The following SMARCA2 variants were observed in gnomAD, a reference collection of about 807,000 sequenced individuals.
The protein encoded by SMARCA2 is SWI/SNF-related matrix-associated actin-dependent regulator of chromatin subfamily A member 2.
Under a neutral mutation model 199.8 loss-of-function variants are expected in SMARCA2, and 61 were observed. That is an observed-to-expected ratio of 0.31 (90% CI 0.25 to 0.38). The LOEUF is 0.38. Ranked by LOEUF, SMARCA2 falls within the 10% of genes least tolerant of loss-of-function variation. The pLI is 1.00. For synonymous variants in SMARCA2, 935 were observed against 732.0 expected (o/e 1.28, Z -4.48); for missense variants, 1,344 against 2,012.2 (o/e 0.67, Z 6.35).
chr9:2,102,586 A>C (rs1404306790), intron 22 of SMARCA2, among the ~76,000 whole-genome samples: 1 of 152,218 alleles, frequency 6.6e-6, no homozygotes, highest in East Asian at 1.9e-4. Flanking sequence ...TGTATAACAC[A>C]GTCCTGTTGA....
intron 27 of SMARCA2, among the ~76,000 whole-genome samples, chr9:2,134,898 C>A (rs772972467): frequency 1.3e-5 from 2 of 152,270 alleles, no homozygotes; most frequent in East Asian, 1.9e-4. Flanking sequence ...TATACCCTAT[C>A]CTCAGACTTC....
At chr9:2,048,080 T>C (rs1819954913) in intron 5 of SMARCA2, 1 of 152,186 alleles carries the variant, frequency 6.6e-6, no homozygotes, top group African/African-American at 2.4e-5. Context: ...ATACCGTCTC[T>C]GTCACAACTC....
chr9:2,030,152 T>C (rs1364141247), intron 2 of SMARCA2, among the ~76,000 whole-genome samples: 4 of 152,176 alleles, frequency 2.6e-5, no homozygotes, highest in African/African-American at 9.7e-5. Context: ...AGTAGGTGTA[T>C]TCATTAGGAT....
rs1474486957 is a variant in SMARCA2 at position 2,170,380 on chromosome 9, A to G, written c.4200-39A>G. 6.8e-6 allele frequency: 11 copies of G among 1,613,646 alleles called. 1 individual carries two copies. Among genetic ancestry groups the G allele is most frequent in the South Asian group, 5.5e-5 (5 of 91,026 alleles). On this transcript the variant is annotated intron_variant, in intron 28 of 33. Coordinates refer to ENST00000349721, the MANE Select transcript of SMARCA2 (RefSeq NM_003070.5). This position sits in a 1 kb window ranked among gnomAD's most constrained non-coding sequence, Gnocchi z 4.7. ...AGGAGCCGGGCGGGGACGAGAACCC[A>G]GGTCTTCTGACTCTAGTGTTCTTTC...
At chr9:2,038,640 C>T (rs1164265705) in intron 3 of SMARCA2, among the ~76,000 whole-genome samples, 1 of 152,178 alleles carries the variant, frequency 6.6e-6, no homozygotes, top group Admixed American at 6.5e-5. Context: ...TTCAGGTACC[C>T]ACTGCAGCAG....
chr9:2,084,523 A>G (rs949319160), intron 17 of SMARCA2, among the ~76,000 whole-genome samples: 7 of 151,170 alleles, frequency 4.6e-5, no homozygotes, highest in Non-Finnish European at 4.4e-5. Context: ...TTTCTCTCTA[A>G]CAGCTTTGCA....
rs1351025866 is a variant in SMARCA2 at position 2,119,796 on chromosome 9, C to T, written c.3762+261C>T. ...TCTGGCTTCTCTTGAAAAATGAGATCGGGCAGTACCAGGCCCACATCTTTG... is the reference window on the plus strand; with the variant it reads ...TCTGGCTTCTCTTGAAAAATGAGATTGGGCAGTACCAGGCCCACATCTTTG... On this transcript the variant is annotated intron_variant, in intron 26 of 33. Transcript: ENST00000349721. The surrounding 1 kb of genome is among the most constrained non-coding windows in gnomAD (Gnocchi z 4.6). Among the ~76,000 whole-genome samples the T allele has an allele frequency of 1.3e-5, 2 of 152,186 alleles. No individual in the cohort carries two copies. Among genetic ancestry groups the T allele is most frequent in the Non-Finnish European group, 1.5e-5 (1 of 68,024 alleles).
Position 2,115,731 on chromosome 9 carries a change from A to T in SMARCA2, c.3457-91A>T. 1.0e-6 allele frequency: 1 copy of T among 955,280 alleles called. No homozygotes were observed. Among genetic ancestry groups the T allele is most frequent in the South Asian group, 1.5e-5 (1 of 67,990 alleles). The allele number at this position is 955,280 out of a possible 1,614,324, so 59.2% of individuals were successfully genotyped here. A position where few individuals can be genotyped will look rare whatever the true frequency, so the allele number is the denominator to read the frequency against. The stretch of plus-strand genomic sequence containing the variant: ...TACCTTAGTGAAGGTGAAATACAGA[A>T]CCCTTCCATATTTCCCTCTGGGGTG... On this transcript the variant is annotated intron_variant, in intron 24 of 33. Coordinates refer to ENST00000349721, the MANE Select transcript of SMARCA2 (RefSeq NM_003070.5). This position sits in a 1 kb window ranked among gnomAD's most constrained non-coding sequence, Gnocchi z 6.0.
At position 2,083,325 on chromosome 9, in the gene SMARCA2, GT is replaced by G. The variant is rs766737229; in HGVS notation, c.2349-10del. 0.035 allele frequency: 39,076 copies of G among 1,103,032 alleles called. No homozygotes were observed. Among genetic ancestry groups the G allele is most frequent in the South Asian group, 0.044 (2,643 of 60,178 alleles). The allele number at this position is 1,103,032 out of a possible 1,614,324, so 68.3% of individuals were successfully genotyped here. On this transcript the variant is annotated intron_variant, in intron 15 of 33. Coordinates refer to ENST00000349721, the MANE Select transcript of SMARCA2 (RefSeq NM_003070.5). ...TTTATACAAATGTCTTTTTTCTGTTGTTTTTTTTTTTTGTTCCATAGGACTC... is the reference window on the plus strand; with the variant it reads ...TTTATACAAATGTCTTTTTTCTGTTGTTTTTTTTTTTGTTCCATAGGACTC...
chr9:2,174,019 C>G (rs1826399858), intron 29 of SMARCA2, among the ~76,000 whole-genome samples: 1 of 152,164 alleles, frequency 6.6e-6, no homozygotes, highest in African/African-American at 2.4e-5. Flanking sequence ...CTCTTGGTGA[C>G]TCGATACTTA....
At position 2,181,648 on chromosome 9, in the gene SMARCA2, G is replaced by C. The variant is rs768201532; in HGVS notation, c.4331G>C (p.Arg1444Thr). The change falls in exon 30 of 34, where the codon AGG (arginine) becomes ACG (threonine). Residue 1444 changes from arginine to threonine, a missense_variant. Arg to Thr is a moderately conservative substitution (Grantham distance 71, BLOSUM62 -1). Around this residue, in one of 18 missense-constraint regions of SMARCA2, gnomAD observed 151 missense variants for 154.0 expected, o/e 0.98. Transcript: ENST00000349721. ...TTACCAGAATACTATGAATTAATTAGGAAGCCAGTGGATTTCAAAAAAATA... is the reference window on the plus strand; with the variant it reads ...TTACCAGAATACTATGAATTAATTACGAAGCCAGTGGATTTCAAAAAAATA... ...KELPEYYELI[R>T]KPVDFKKIKE... 6.5e-7 allele frequency: 1 copy of C among 1,541,382 alleles called. No individual in the cohort carries two copies. Among genetic ancestry groups the C allele is most frequent in the Non-Finnish European group, 9.0e-7 (1 of 1,114,760 alleles).
At chr9:2,177,079 C>T (rs948687639) in intron 29 of SMARCA2, among the ~76,000 whole-genome samples, 1 of 152,166 alleles carries the variant, frequency 6.6e-6, no homozygotes, top group Non-Finnish European at 1.5e-5. Context: ...CAGGTTTCTG[C>T]AGGCTCTCTT....
At chr9:2,112,077 T>G (rs1177931757) in intron 24 of SMARCA2, among the ~76,000 whole-genome samples, 1 of 152,224 alleles carries the variant, frequency 6.6e-6, no homozygotes, top group Non-Finnish European at 1.5e-5. Flanking sequence ...CATATTGATG[T>G]GAGAGATCTG....
chr9:2,071,652 T>C (rs368305894), intron 10 of SMARCA2, among the ~76,000 whole-genome samples: 2 of 152,268 alleles, frequency 1.3e-5, no homozygotes, highest in African/African-American at 4.8e-5. Context: ...CATCTTGCTC[T>C]ATTTTGAAAT....
intron 14 of SMARCA2, 116 bp downstream of exon 14, chr9:2,077,892 C>T: frequency 1.2e-6 from 1 of 846,026 alleles, no homozygotes; most frequent in South Asian, 1.7e-5. Context: ...GGCCACATCA[C>T]TTATAATACT....
chr9:2,098,765 G>A (rs1032631267), intron 21 of SMARCA2, among the ~76,000 whole-genome samples: 2 of 152,018 alleles, frequency 1.3e-5, no homozygotes, highest in African/African-American at 4.8e-5. Flanking sequence ...GTGAAACCCC[G>A]TCTAAAACTA....
chr9:2,027,930 C>T (rs1818902983), intron 1 of SMARCA2, among the ~76,000 whole-genome samples: 1 of 152,218 alleles, frequency 6.6e-6, no homozygotes, highest in Admixed American at 6.5e-5. Context: ...CATCATTGAT[C>T]TCTATCAGAA....
intron 10 of SMARCA2, among the ~76,000 whole-genome samples, chr9:2,071,708 C>T (rs1821096374): frequency 6.6e-6 from 1 of 152,298 alleles, no homozygotes; most frequent in African/African-American, 2.4e-5. Flanking sequence ...GGTTCTAATT[C>T]CATCTACAGT....
chr9:2,083,285 T>G, intron 15 of SMARCA2, 62 bp from the exon 16 acceptor site: 1 of 1,122,724 alleles, frequency 8.9e-7, no homozygotes, highest in South Asian at 1.4e-5. Context: ...AAGAACATCT[T>G]TTTAACCATT....
Sources: allele counts gnomAD v4.1 joint callset (sites outside exome capture counted in the v4.1 genomes callset), GRCh38; gene constraint gnomAD v4.1.1; regional missense constraint gnomAD v4.1.1; non-coding constraint Gnocchi (gnomAD v3.1); transcripts MANE v1.5; gene names NCBI Gene and HGNC (gene_info 2026-07-23, HGNC 2026-07-21).